Variants in ITGB1 observed in about 807,000 individuals in gnomAD.
The protein encoded by ITGB1 is integrin beta-1.
In ITGB1, 24 loss-of-function variants were observed where a neutral mutation model predicts 86.5. The ratio of observed to expected loss-of-function variants is 0.28; its 90% CI spans 0.20 to 0.39. ITGB1 has a LOEUF of 0.39. Ranked by LOEUF, ITGB1 falls within the 10% of genes least tolerant of loss-of-function variation. The probability of loss-of-function intolerance (pLI) is 1.00; values close to 1 mark genes in which losing one functional copy is unlikely to be tolerated. For missense variants in ITGB1, 556 were observed against 946.9 expected (o/e 0.59, Z 5.42); for synonymous variants, 323 against 316.8 (o/e 1.02, Z -0.21).
chr10:32,940,715 G>A (rs2095016368), intron 1 of ITGB1, among the ~76,000 whole-genome samples: 1 of 152,192 alleles, frequency 6.6e-6, no homozygotes, highest in Non-Finnish European at 1.5e-5. Flanking sequence ...CTTACTCTCT[G>A]CATTCATTCG....
In ITGB1 at chr10:32,922,761, G is replaced by A. The variant is rs769575759; in HGVS notation, c.943-26C>T. On this transcript the variant is annotated intron_variant, in intron 7 of 15. Coordinates refer to ENST00000302278, the MANE Select transcript of ITGB1 (RefSeq NM_002211.4). ...CTAAGAAATCAAGTAATATAATTTA[G>A]TATTTAAATACACCCTTATAATCTC... The A allele has an allele frequency of 5.4e-6, 7 of 1,285,234 alleles. No homozygotes were observed. In the South Asian group the frequency reaches 8.9e-5, roughly 16 times the overall value. The allele number at this position is 1,285,234 out of a possible 1,614,324, so 79.6% of individuals were successfully genotyped here.
chr10:32,954,494 C>T (rs2095048645), intron 1 of ITGB1, among the ~76,000 whole-genome samples: 1 of 152,010 alleles, frequency 6.6e-6, no homozygotes, highest in Admixed American at 6.5e-5. Context: ...ATACCTGTAC[C>T]CAAAATAAAT....
chr10:32,938,791 C>G (rs760096794), intron 1 of ITGB1, among the ~76,000 whole-genome samples: 21 of 152,170 alleles, frequency 1.4e-4, no homozygotes, highest in Non-Finnish European at 2.5e-4. Flanking sequence ...GCGAGGCTTT[C>G]TCTCAGGGAA....
At chr10:32,947,490 T>A (rs1055901200) in intron 1 of ITGB1, among the ~76,000 whole-genome samples, 6 of 146,574 alleles carry the variant, frequency 4.1e-5, no homozygotes, top group African/African-American at 1.5e-4. Context: ...CACAGTATGT[T>A]AAAACATATA....
intron 2 of ITGB1, chr10:32,933,641 G>A (rs924491764): frequency 6.6e-6 from 1 of 152,232 alleles, no homozygotes; most frequent in Middle Eastern, 3.4e-3. Flanking sequence ...ACTGAGAGAG[G>A]ACTGTTGCTA....
At chr10:32,950,155 CATT>C (rs1305690346) in intron 1 of ITGB1, among the ~76,000 whole-genome samples, 17 of 152,282 alleles carry the variant, frequency 1.1e-4, no homozygotes, top group Non-Finnish European at 2.4e-4. Context: ...GTTCTACCAT[CATT>C]ATTTTCTGTA....
At chr10:32,909,735 G>A (rs2094907258) in intron 14 of ITGB1, among the ~76,000 whole-genome samples, 1 of 151,336 alleles carries the variant, frequency 6.6e-6, no homozygotes, top group Admixed American at 6.6e-5. Flanking sequence ...TGTACACTAT[G>A]GTAGAAAATT....
In ITGB1 at chr10:32,911,639, C is replaced by G. The variant is rs200815086; in HGVS notation, c.1740G>C (p.Glu580Asp). 1 of 1,614,176 alleles carries G rather than the reference C, an allele frequency of 6.2e-7. No homozygotes were observed. The highest frequency in any genetic ancestry group is 8.5e-7 in the Non-Finnish European group (1 of 1,180,022). ...CACTGCCAGTGTAGTTGGGGTTGCA[C>G]TCACACACACGACACTTGCAAACAC... ...GNGVCKCRVC[E>D]CNPNYTGSAC... Residue 580 changes from glutamate (E) to aspartate (D), a missense_variant, in exon 13 of 16, where the codon GAG becomes GAC. This residue lies in a region of ITGB1 where 330 missense variants were observed against 531.5 expected (regional missense o/e 0.62). Transcript: ENST00000302278.
chr10:32,929,770 G>A (rs2094977076), intron 4 of ITGB1, 52 bp downstream of exon 4: 1 of 1,022,322 alleles, frequency 9.8e-7, no homozygotes, highest in African/African-American at 1.6e-5. Flanking sequence ...TAAAGCTGGT[G>A]TCGAATGCCT....
chr10:32,901,429 A>G lies in ITGB1; in HGVS notation c.*141T>C, dbSNP rs201278521. On this transcript the variant is annotated 3_prime_UTR_variant, in exon 16 of 16. Transcript: ENST00000302278. Reference sequence around the variant, plus strand: ...AACATTATTTTCAAAATAATAAAACATTTTAAAAATTATACATATTGTACA... The same window carrying G: ...AACATTATTTTCAAAATAATAAAACGTTTTAAAAATTATACATATTGTACA... The G allele has an allele frequency of 1.8e-6, 1 of 540,896 alleles. No homozygotes were observed. The highest frequency in any genetic ancestry group is 3.2e-5 in the East Asian group (1 of 30,860). 33.5% of individuals were successfully genotyped at this position (540,896 alleles called of 1,614,324 possible).
rs578057365 is a variant in ITGB1, at chr10:32,907,222, CTTTT to C, written c.2331+1142_2331+1145del. 32 of 437,852 alleles carry C rather than the reference CTTTT, an allele frequency of 7.3e-5. No homozygotes were observed. In the East Asian group the frequency reaches 2.1e-3, roughly 28 times the overall value. 27.1% of individuals were successfully genotyped at this position (437,852 alleles called of 1,614,324 possible). A position where few individuals can be genotyped will look rare whatever the true frequency, so the allele number is the denominator to read the frequency against. ...TATAGTGTTTGAACACTATAAATGTCTTTTTTTTTATTTCTACCCTTCTGAAATT... is the reference window on the plus strand; with the variant it reads ...TATAGTGTTTGAACACTATAAATGTCTTTTTATTTCTACCCTTCTGAAATT... On this transcript the variant is annotated intron_variant, in intron 15 of 15. Coordinates refer to ENST00000302278, the MANE Select transcript of ITGB1 (RefSeq NM_002211.4).
intron 1 of ITGB1, chr10:32,953,714 C>G (rs1050126657): frequency 6.6e-6 from 1 of 152,312 alleles, no homozygotes; most frequent in Non-Finnish European, 1.5e-5. Flanking sequence ...AAAGGTCACA[C>G]AGAAATTCAG....
At chr10:32,938,524 T>C in intron 1 of ITGB1, among the ~76,000 whole-genome samples, 1 of 152,200 alleles carries the variant, frequency 6.6e-6, no homozygotes, top group South Asian at 2.1e-4. Context: ...CACACTACTT[T>C]AAATGTCACT....
chr10:32,914,689 G>C (rs889242011), intron 11 of ITGB1, among the ~76,000 whole-genome samples: 1 of 152,092 alleles, frequency 6.6e-6, no homozygotes, highest in Non-Finnish European at 1.5e-5. Flanking sequence ...CCTAGAAAGA[G>C]ACTTAGACTC....
At chr10:32,956,625 T>C (rs995378938) in intron 1 of ITGB1, among the ~76,000 whole-genome samples, 7 of 152,060 alleles carry the variant, frequency 4.6e-5, no homozygotes, top group African/African-American at 1.7e-4. Flanking sequence ...GAAAAGTAAC[T>C]TAAGCCTCGG....
At chr10:32,955,251 G>A (rs1327625455) in intron 1 of ITGB1, among the ~76,000 whole-genome samples, 1 of 152,116 alleles carries the variant, frequency 6.6e-6, no homozygotes, top group Non-Finnish European at 1.5e-5. Flanking sequence ...AGTAAACACT[G>A]CTAATACAAT....
chr10:32,910,789 T>TGA (rs1028432687), intron 13 of ITGB1, among the ~76,000 whole-genome samples: 4 of 152,084 alleles, frequency 2.6e-5, no homozygotes. Flanking sequence ...TGTTCTGTCA[T>TGA]CCAGGCAGTG....
intron 15 of ITGB1, among the ~76,000 whole-genome samples, chr10:32,906,276 T>G (rs141652854): frequency 6.6e-6 from 1 of 152,166 alleles, no homozygotes; most frequent in Non-Finnish European, 1.5e-5. Flanking sequence ...TAAAATTTAC[T>G]CATAACAAAT....
In ITGB1 at chr10:32,903,351, CAAAAAAA is replaced by C. The variant is rs35559257; in HGVS notation, c.2332-1723_2332-1717del. Among the ~76,000 whole-genome samples the C allele has an allele frequency of 4.4e-4, 25 of 57,030 alleles. No homozygotes were observed. The South Asian group carries it at 9.1e-3, about 21-fold the overall frequency. The allele number at this position is 57,030 out of a possible 152,430, so 37.4% of individuals were successfully genotyped here. A position where few individuals can be genotyped will look rare whatever the true frequency, so the allele number is the denominator to read the frequency against. ...TGGGCGAAAGAGCAAGACTCCATCT[CAAAAAAA>C]AAAAAAAAAAAAAAAGAGGAAAAAA... On this transcript the variant is annotated intron_variant, in intron 15 of 15. Coordinates refer to ENST00000302278, the MANE Select transcript of ITGB1 (RefSeq NM_002211.4).
Sources: gnomAD v4.1 joint callset for allele counts (sites outside exome capture counted in the v4.1 genomes callset) on GRCh38, gnomAD v4.1.1 for gene constraint, gnomAD v4.1.1 regional missense constraint, MANE v1.5 for transcripts, NCBI Gene and HGNC (gene_info 2026-07-23, HGNC 2026-07-21) for gene names.